The following C5orf34 variants were observed in gnomAD, a reference collection of about 807,000 sequenced individuals.
C5orf34 encodes uncharacterized protein C5orf34.
In C5orf34, 73 loss-of-function variants were observed where a neutral mutation model predicts 78.4. The observed-to-expected ratio is 0.93, with a 90% CI of 0.77 to 1.13. The LOEUF is 1.13. Among genes scored for constraint, C5orf34 ranks in the 50% most tolerant of loss-of-function variants. The pLI is 0.00. For synonymous variants in C5orf34, 251 were observed against 246.6 expected, an observed-to-expected ratio of 1.02 and a Z score of -0.17; for missense variants, 730 against 732.7, an observed-to-expected ratio of 1.00 and a Z score of 0.04.
chr5:43,492,288 C>A lies in C5orf34; in HGVS notation c.1507G>T (p.Gly503Cys). 1 of 1,608,690 alleles carries A rather than the reference C, an allele frequency of 6.2e-7. No individual in the cohort carries two copies. The highest frequency in any genetic ancestry group is 1.7e-5 in the Admixed American group (1 of 59,892). The change falls in exon 10 of 13, where the codon GGT becomes TGT. Residue 503 changes from glycine to cysteine, a missense_variant. Gly to Cys is a radical substitution (Grantham distance 159, BLOSUM62 -3). Transcript: ENST00000306862. Reference sequence around the variant, plus strand: ...TCAGGAAAAGTTAACTTACACCAACCTAAGTTAAGACCTTGATTTACCTGA... The same window carrying A: ...TCAGGAAAAGTTAACTTACACCAACATAAGTTAAGACCTTGATTTACCTGA... ...KRQVNQGLNL[G>C]WCKLTFPDGQ...
At chr5:43,498,853 C>T (rs1305132524) in intron 6 of C5orf34, among the ~76,000 whole-genome samples, 2 of 152,232 alleles carry the variant, frequency 1.3e-5, no homozygotes, top group Admixed American at 6.5e-5. Flanking sequence ...AGCTGGCCAT[C>T]TTAGTGATCT....
At chr5:43,499,889 A>C (rs1024483052) in intron 6 of C5orf34, among the ~76,000 whole-genome samples, 17 of 152,188 alleles carry the variant, frequency 1.1e-4, no homozygotes, top group African/African-American at 3.6e-4. Context: ...ACATTTATTT[A>C]GGTTGCTTCT....
At chr5:43,508,687 T>G (rs757841547) in intron 2 of C5orf34, 21 bp from the exon 3 acceptor site, 1 of 1,363,186 alleles carries the variant, frequency 7.3e-7, no homozygotes, top group African/African-American at 1.4e-5. Context: ...AAATATAAAA[T>G]GTAACCTTAA....
chr5:43,500,596 A>G (rs954984542), intron 6 of C5orf34, among the ~76,000 whole-genome samples: 4 of 152,158 alleles, frequency 2.6e-5, no homozygotes, highest in African/African-American at 7.2e-5. Context: ...AGGTTTTGCC[A>G]TGTTGGCTGG....
intron 3 of C5orf34, among the ~76,000 whole-genome samples, chr5:43,506,943 G>A (rs1159025352): frequency 6.6e-6 from 1 of 152,086 alleles, no homozygotes; most frequent in Non-Finnish European, 1.5e-5. Flanking sequence ...GATAACATAA[G>A]TTTTTCAGAG....
At position 43,505,850 on chromosome 5, in the gene C5orf34, T is replaced by G. The variant is rs768923051; in HGVS notation, c.830A>C (p.Gln277Pro). ...AATATCAGAAGTTAAAAATCTACTC[T>G]GAGTTATATGTGCATCAATTTTAGA... is the stretch of plus-strand genomic sequence containing the variant. ...NMSKIDAHIT[Q>P]SRFLTSDISE... The change falls in exon 4 of 13, where the codon CAG (glutamine) becomes CCG (proline). Residue 277 changes from glutamine to proline, a missense_variant. Gln to Pro is a moderately conservative substitution (Grantham distance 76, BLOSUM62 -1). Transcript: ENST00000306862. The G allele has an allele frequency of 2.4e-5, 38 of 1,613,328 alleles. No homozygotes were observed. The South Asian group carries it at 4.1e-4, about 17-fold the overall frequency.
At position 43,505,769 on chromosome 5, in the gene C5orf34, C is replaced by G. The variant is rs148462670; in HGVS notation, c.911G>C (p.Cys304Ser). ...TTACCTGTGTAGGTGTGGGACTGGACAGCTGAGTGACAGGGCCCTGGGAAG... is the reference window on the plus strand; with the variant it reads ...TTACCTGTGTAGGTGTGGGACTGGAGAGCTGAGTGACAGGGCCCTGGGAAG... ...SVLPRALSLS[C>S]PVPHLHRWNF... The change falls in exon 4 of 13, where the codon TGT becomes TCT. Residue 304 changes from cysteine to serine, a missense_variant. Cys to Ser is a moderately radical substitution (Grantham distance 112). Transcript: ENST00000306862. 17 of 1,587,006 alleles carry G rather than the reference C, an allele frequency of 1.1e-5. No homozygotes were observed. The African/African-American group carries it at 2.2e-4, about 20-fold the overall frequency.
chr5:43,510,710 C>T (rs533743106), intron 1 of C5orf34, among the ~76,000 whole-genome samples: 9 of 152,048 alleles, frequency 5.9e-5, no homozygotes, highest in Admixed American at 3.3e-4. Flanking sequence ...CCCGAGGTGC[C>T]GGGATTGCAG....
In C5orf34 at chr5:43,490,668, G is replaced by C. The variant is rs527621919; in HGVS notation, c.1642C>G (p.Pro548Ala). 20 of 1,611,142 alleles carry C rather than the reference G, an allele frequency of 1.2e-5. 1 individual carries two copies. In the South Asian group the frequency reaches 2.2e-4, roughly 18 times the overall value. The change falls in exon 11 of 13, where the codon CCC becomes GCC. Residue 548 changes from proline to alanine, a missense_variant. By Grantham distance (27) the Pro-to-Ala change is conservative. Coordinates refer to ENST00000306862, the MANE Select transcript of C5orf34 (RefSeq NM_198566.4). ...RLTQTSPREMPTHSSSSVLQE... is the reference protein window; with the variant it reads ...RLTQTSPREMATHSSSSVLQE... ...AGAACAGAAGATGACGAATGAGTGG[G>C]CATCTCTCTGGGACTAGTCTGGGTC...
At chr5:43,502,068 A>G (rs1745779534) in intron 6 of C5orf34, among the ~76,000 whole-genome samples, 1 of 152,214 alleles carries the variant, frequency 6.6e-6, no homozygotes, top group Non-Finnish European at 1.5e-5. Context: ...TATTAATTCA[A>G]AGTAGTGTAT....
At chr5:43,488,004 G>A (rs1745131260) in intron 11 of C5orf34, 55 bp from the exon 12 acceptor site, 4 of 1,424,100 alleles carry the variant, frequency 2.8e-6, no homozygotes, top group Middle Eastern at 2.1e-4. Flanking sequence ...TTGTATTCAT[G>A]ATATTTCAAA....
chr5:43,495,238 G>T (rs1221555199), intron 6 of C5orf34: 4 of 1,607,896 alleles, frequency 2.5e-6, no homozygotes, highest in Admixed American at 1.7e-5. Context: ...CAATGGGCTT[G>T]CCAGGAACCA....
At chr5:43,509,413 T>A in intron 1 of C5orf34, 38 bp from the exon 2 acceptor site, 1 of 1,216,696 alleles carries the variant, frequency 8.2e-7, no homozygotes, top group Non-Finnish European at 1.1e-6. Flanking sequence ...TAAATAGTTC[T>A]CTTAATGTAC....
chr5:43,495,278 A>C (rs1745456880), intron 6 of C5orf34: 1 of 1,607,830 alleles, frequency 6.2e-7, no homozygotes, highest in Admixed American at 1.7e-5. Flanking sequence ...ACCAGACTTC[A>C]AGAATTTAGG....
intron 3 of C5orf34, 148 bp downstream of exon 3, chr5:43,508,429 C>T: frequency 2.0e-6 from 1 of 500,490 alleles, no homozygotes; most frequent in Non-Finnish European, 3.6e-6. Flanking sequence ...AAGAAAATGG[C>T]AAGGGGGATA....
At chr5:43,509,474 C>T (rs1205484329) in intron 1 of C5orf34, 99 bp from the exon 2 acceptor site, 1 of 628,594 alleles carries the variant, frequency 1.6e-6, no homozygotes, top group East Asian at 2.9e-5. Flanking sequence ...ATGACATTGC[C>T]ATTGCATTTA....
chr5:43,492,134 C>T (rs1745310204), intron 10 of C5orf34, 81 bp downstream of exon 10: 1 of 881,324 alleles, frequency 1.1e-6, no homozygotes. Flanking sequence ...ATATATATAA[C>T]ACTTAAATAA....
chr5:43,497,397 CTATT>C (rs1388418200), intron 6 of C5orf34, among the ~76,000 whole-genome samples: 2 of 152,162 alleles, frequency 1.3e-5, no homozygotes, highest in East Asian at 3.8e-4. Context: ...TCTGAGATAA[CTATT>C]AATGCTTGTT....
At position 43,492,252 on chromosome 5, in the gene C5orf34, G is replaced by A. The variant is rs1175701295; in HGVS notation, c.1543C>T (p.Gln515Ter). 1 of 1,612,098 alleles carries A rather than the reference G, an allele frequency of 6.2e-7. No individual in the cohort carries two copies. Among genetic ancestry groups the A allele is most frequent in the South Asian group, 1.1e-5 (1 of 90,574 alleles). Reference protein sequence around the residue: ...CKLTFPDGQEQLIQIEHPEPY... With the variant: ...CKLTFPDGQE ...TCAGGGTGTTCAATCTGAATTAACT[G>A]CTCTTGTCCATCAGGAAAAGTTAAC... The change falls in exon 10 of 13, where the codon CAG (glutamine) becomes TAG (stop). Residue 515 changes from glutamine to a stop codon, truncating the protein, a stop_gained. Transcript: ENST00000306862. LOFTEE classifies it high-confidence loss of function.
Sources: allele counts gnomAD v4.1 joint callset (sites outside exome capture counted in the v4.1 genomes callset), GRCh38; gene constraint gnomAD v4.1.1; transcripts MANE v1.5; gene names NCBI Gene and HGNC (gene_info 2026-07-23, HGNC 2026-07-21).